The following MAML3 variants were observed in gnomAD, a reference collection of about 807,000 sequenced individuals.
MAML3 encodes the protein mastermind-like protein 3.
In MAML3, 27 loss-of-function variants were observed where a neutral mutation model predicts 101.9. The observed-to-expected ratio is 0.27, with a 90% CI of 0.20 to 0.37. The LOEUF (loss-of-function observed/expected upper bound fraction) is 0.37, where lower values mean the gene tolerates loss of function less well. Ranked by LOEUF, MAML3 falls within the 10% of genes least tolerant of loss-of-function variation. The pLI, the probability that MAML3 is intolerant of heterozygous loss-of-function variation, is 1.00. For synonymous variants in MAML3, 501 were observed against 555.9 expected, an observed-to-expected ratio of 0.90 and a Z score of 1.39; for missense variants, 1,316 against 1,444.9, an observed-to-expected ratio of 0.91 and a Z score of 1.45.
chr4:139,776,448 A>C (rs1443687602), intron 2 of MAML3, among the ~76,000 whole-genome samples: 1 of 152,158 alleles, frequency 6.6e-6, no homozygotes, highest in Non-Finnish European at 1.5e-5. Context: ...GTGATAAGTG[A>C]TTAGAAAGCA....
At chr4:139,776,344 T>A (rs1560791010) in intron 2 of MAML3, among the ~76,000 whole-genome samples, 1 of 152,176 alleles carries the variant, frequency 6.6e-6, no homozygotes, top group Non-Finnish European at 1.5e-5. Context: ...ATGGCTCCTG[T>A]CGTGATACAG....
chr4:139,850,853 G>A (rs1356983252), intron 2 of MAML3, among the ~76,000 whole-genome samples: 1 of 150,570 alleles, frequency 6.6e-6, no homozygotes, highest in African/African-American at 2.5e-5. Flanking sequence ...TAAAGCTTTT[G>A]ATGTACACAT....
chr4:139,830,605 G>A (rs1312314786), intron 2 of MAML3, among the ~76,000 whole-genome samples: 3 of 151,704 alleles, frequency 2.0e-5, no homozygotes, highest in Non-Finnish European at 4.4e-5. Flanking sequence ...TAGTAGAGAC[G>A]GGGTTTCACT....
chr4:140,017,908 A>G lies in MAML3; in HGVS notation c.469-126941T>C, dbSNP rs1027605170. The stretch of plus-strand genomic sequence containing the variant: ...AGACTGTATTATAGTTTTTTAAAAT[A>G]TTACCATTTGGGGGAATTGGGCTAA... On this transcript the variant is annotated intron_variant, in intron 1 of 4. Transcript: ENST00000509479. Among the ~76,000 whole-genome samples, 7 of 152,024 alleles carry G rather than the reference A, an allele frequency of 4.6e-5. No individual in the cohort carries two copies. In the Middle Eastern group the frequency reaches 0.014, roughly 298 times the overall value.
intron 4 of MAML3, among the ~76,000 whole-genome samples, chr4:139,722,404 CAAG>C (rs1208978413): frequency 6.6e-6 from 1 of 151,960 alleles, no homozygotes; most frequent in Non-Finnish European, 1.5e-5. Context: ...CAGATGTGTC[CAAG>C]GAATTAACTT....
chr4:139,828,949 G>T (rs1457147125), intron 2 of MAML3, among the ~76,000 whole-genome samples: 2 of 150,738 alleles, frequency 1.3e-5, no homozygotes, highest in Non-Finnish European at 2.9e-5. Flanking sequence ...CTCCAGCCTG[G>T]GTGACAGAGT....
rs190032054 is a variant in MAML3, at chr4:139,846,375, C to T, written c.2079+42982G>A. ...TTTATTTTAATTTGTGAGACAGGGT[C>T]TCACTCTGTCACCCAGGCTGGAGTG... On this transcript the variant is annotated intron_variant, in intron 2 of 4. Coordinates refer to ENST00000509479, the MANE Select transcript of MAML3 (RefSeq NM_018717.5). Among the ~76,000 whole-genome samples, 32 of 152,158 alleles carry T rather than the reference C, an allele frequency of 2.1e-4. No homozygotes were observed. In the East Asian group the frequency reaches 5.8e-3, roughly 28 times the overall value.
chr4:140,065,203 G>T (rs1877078), intron 1 of MAML3, among the ~76,000 whole-genome samples: 74,686 of 151,852 alleles, frequency 0.49, 19,870 homozygotes, highest in Non-Finnish European at 0.6. Flanking sequence ...AAGCCACTGT[G>T]TGAAGTTACA....
At chr4:140,118,164 GTT>G (rs398064094) in intron 1 of MAML3, among the ~76,000 whole-genome samples, 3 of 141,630 alleles carry the variant, frequency 2.1e-5, no homozygotes, top group Admixed American at 7.1e-5. Context: ...TTGTGGGTTT[GTT>G]TTTTTTTTTT....
At chr4:140,073,139 TTC>T (rs1727693097) in intron 1 of MAML3, among the ~76,000 whole-genome samples, 1 of 151,820 alleles carries the variant, frequency 6.6e-6, no homozygotes, top group Non-Finnish European at 1.5e-5. Flanking sequence ...TATCCATGTT[TTC>T]TTTTTTTTTT....
rs527893239 is a variant in MAML3, at chr4:139,893,782, A to G, written c.469-2815T>C. ...AACTCTATGGATTTATCAATTATAAACCTAACTCATCTGTGTGCTGCTTTC... is the reference window on the plus strand; with the variant it reads ...AACTCTATGGATTTATCAATTATAAGCCTAACTCATCTGTGTGCTGCTTTC... On this transcript the variant is annotated intron_variant, in intron 1 of 4. Transcript: ENST00000509479. 2.4e-3 allele frequency among the ~76,000 whole-genome samples: 368 copies of G among 152,134 alleles called. 2 individuals are homozygous for G. The highest frequency in any genetic ancestry group is 8.7e-3 in the African/African-American group (360 of 41,490).
chr4:140,028,103 T>A (rs1398550919), intron 1 of MAML3, among the ~76,000 whole-genome samples: 1 of 152,232 alleles, frequency 6.6e-6, no homozygotes, highest in Non-Finnish European at 1.5e-5. Flanking sequence ...GGAATAGGTT[T>A]AACACTAATT....
chr4:140,027,581 A>G (rs1293492475), intron 1 of MAML3, among the ~76,000 whole-genome samples: 1 of 152,094 alleles, frequency 6.6e-6, no homozygotes, highest in African/African-American at 2.4e-5. Flanking sequence ...GCTTAAAAAC[A>G]CCTCTCTCGT....
At chr4:140,008,007 G>A (rs1253636698) in intron 1 of MAML3, among the ~76,000 whole-genome samples, 2 of 152,148 alleles carry the variant, frequency 1.3e-5, no homozygotes, top group African/African-American at 4.8e-5. Flanking sequence ...GATTTCAAAC[G>A]TCTAGGATTA....
rs560918755 is a variant in MAML3 at position 139,965,125 on chromosome 4, T to C, written c.469-74158A>G. 1.8e-4 allele frequency among the ~76,000 whole-genome samples: 27 copies of C among 152,240 alleles called. No individual in the cohort carries two copies. The South Asian group carries it at 5.6e-3, about 32-fold the overall frequency. On this transcript the variant is annotated intron_variant, in intron 1 of 4. Coordinates refer to ENST00000509479, the MANE Select transcript of MAML3 (RefSeq NM_018717.5). ...TACAATTCCAAGACAGCTTGTCTCT[T>C]AAATTGCTTTCACTTTGTTACTGAA...
intron 1 of MAML3, among the ~76,000 whole-genome samples, chr4:140,054,721 G>A (rs542913388): frequency 5.9e-5 from 9 of 152,086 alleles, no homozygotes; most frequent in South Asian, 2.1e-4. Flanking sequence ...GTTTAATCTC[G>A]TCTCCTAATT....
rs57104878 is a variant in MAML3, at chr4:139,875,916, C to CAAAA, written c.2079+13437_2079+13440dup. ...TAAAGAGTAAGAGACTCACAAACAG[C>CAAAA]AAAAAAAAAAAAAAAAAAAAAAAAA... On this transcript the variant is annotated intron_variant, in intron 2 of 4. Transcript: ENST00000509479. Among the ~76,000 whole-genome samples, 110 of 81,572 alleles carry CAAAA rather than the reference C, an allele frequency of 1.3e-3. 3 individuals carry two copies. Among genetic ancestry groups the CAAAA allele is most frequent in the African/African-American group, 4.7e-3 (104 of 22,230 alleles). 53.5% of individuals were successfully genotyped at this position (81,572 alleles called of 152,430 possible). A position where few individuals can be genotyped will look rare whatever the true frequency, so the allele number is the denominator to read the frequency against.
At chr4:139,788,302 C>T (rs1223874423) in intron 2 of MAML3, among the ~76,000 whole-genome samples, 3 of 152,186 alleles carry the variant, frequency 2.0e-5, no homozygotes, top group African/African-American at 7.2e-5. Flanking sequence ...CTTCCGCACT[C>T]CCTCCCATTT....
chr4:139,917,555 T>G (rs542516671), intron 1 of MAML3, among the ~76,000 whole-genome samples: 1 of 152,212 alleles, frequency 6.6e-6, no homozygotes, highest in Admixed American at 6.5e-5. Flanking sequence ...AAGGTAATGG[T>G]TTGCTATGTA....
Sources: allele counts gnomAD v4.1 joint callset (sites outside exome capture counted in the v4.1 genomes callset), GRCh38; gene constraint gnomAD v4.1.1; transcripts MANE v1.5; gene names NCBI Gene and HGNC (gene_info 2026-07-23, HGNC 2026-07-21).